Variants in ANK2 observed in about 807,000 individuals in gnomAD.
The protein encoded by ANK2 is ankyrin-2.
Under a neutral mutation model 360.5 loss-of-function variants are expected in ANK2, and 83 were observed. The ratio of observed to expected loss-of-function variants is 0.23; its 90% CI spans 0.19 to 0.28. The LOEUF is 0.28. ANK2 is among the 10% of genes least tolerant of loss of function. The pLI is 1.00. For synonymous variants in ANK2, 1,740 were observed against 1,759.5 expected, an observed-to-expected ratio of 0.99 and a Z score of 0.28; for missense variants, 4,201 against 4,795.7, an observed-to-expected ratio of 0.88 and a Z score of 3.66.
intron 22 of ANK2, 53 bp from the exon 23 acceptor site, chr4:113,302,714 C>G: frequency 6.9e-7 from 1 of 1,445,802 alleles, no homozygotes; most frequent in South Asian, 1.1e-5. Context: ...TGCTTTTCAT[C>G]TTTTGTTTAC....
intron 2 of ANK2, among the ~76,000 whole-genome samples, chr4:112,908,839 C>T (rs1230445793): frequency 6.6e-6 from 1 of 152,294 alleles, no homozygotes; most frequent in Middle Eastern, 3.4e-3. Flanking sequence ...GCCAGTGTCC[C>T]TGCCATCTTC....
intron 1 of ANK2, among the ~76,000 whole-genome samples, chr4:112,862,427 C>G (rs916820965): frequency 6.6e-6 from 1 of 152,138 alleles, no homozygotes; most frequent in Non-Finnish European, 1.5e-5. Context: ...GGCTGGACTT[C>G]ATTATTTCTA....
upstream of ANK2, among the ~76,000 whole-genome samples, chr4:113,048,331 A>C (rs1191239408): frequency 8.8e-6 from 1 of 113,288 alleles, no homozygotes; most frequent in African/African-American, 3.5e-5. Flanking sequence ...TTGCTCTGTC[A>C]CCGAGGCTGG....
chr4:113,162,933 A>G (rs1290283627), intron 1 of ANK2, among the ~76,000 whole-genome samples: 4 of 152,182 alleles, frequency 2.6e-5, no homozygotes, highest in South Asian at 2.1e-4. Flanking sequence ...ACTATTTATC[A>G]TAAAATAACC....
chr4:113,089,548 C>G (rs948273643), intron 1 of ANK2, among the ~76,000 whole-genome samples: 4 of 152,160 alleles, frequency 2.6e-5, no homozygotes, highest in Non-Finnish European at 5.9e-5. Flanking sequence ...AGATGAAGGC[C>G]AGGCATGGTG....
the ANK2 span, among the ~76,000 whole-genome samples, chr4:112,744,270 CTT>C: frequency 6.6e-6 from 1 of 151,838 alleles, no homozygotes; most frequent in African/African-American, 2.4e-5. Flanking sequence ...GAATATTAGA[CTT>C]TATGAATAAT....
chr4:113,028,344 C>T (rs2059693574), intron 2 of ANK2, among the ~76,000 whole-genome samples: 2 of 152,028 alleles, frequency 1.3e-5, no homozygotes, highest in Admixed American at 1.3e-4. Flanking sequence ...GTCCAGAGGT[C>T]AGTCAGAACA....
At chr4:112,926,518 A>G (rs1313715265) in intron 2 of ANK2, among the ~76,000 whole-genome samples, 1 of 152,228 alleles carries the variant, frequency 6.6e-6, no homozygotes, top group African/African-American at 2.4e-5. Flanking sequence ...AGAAGAAATC[A>G]CTGGGTGTCT....
intron 4 of ANK2, among the ~76,000 whole-genome samples, chr4:113,222,956 T>C (rs925905844): frequency 6.6e-6 from 1 of 152,322 alleles, no homozygotes; most frequent in Admixed American, 6.5e-5. Flanking sequence ...TAAACAAGTA[T>C]ATAATCATAT....
rs184783203 is a variant in ANK2, at chr4:112,925,994, A to G, written c.21+21480A>G. Among the ~76,000 whole-genome samples the G allele has an allele frequency of 2.3e-3, 349 of 152,322 alleles. 2 individuals are homozygous for G. The highest frequency in any genetic ancestry group is 3.7e-3 in the Non-Finnish European group (255 of 68,006). ...CAGAAATAACTTGCTTGAATCTTTTATTTTTTAGCCAACAGTGTGTCCCAT... is the reference window on the plus strand; with the variant it reads ...CAGAAATAACTTGCTTGAATCTTTTGTTTTTTAGCCAACAGTGTGTCCCAT... On this transcript the variant is annotated intron_variant, in intron 2 of 30. Transcript: ENST00000503271.
At chr4:112,744,412 C>T in the ANK2 span, among the ~76,000 whole-genome samples, 2 of 149,644 alleles carry the variant, frequency 1.3e-5, no homozygotes, top group African/African-American at 4.9e-5. Flanking sequence ...AGTGGCACGA[C>T]CTCGGCTCAC....
At chr4:112,823,944 G>A (rs1207849510) in intron 1 of ANK2, among the ~76,000 whole-genome samples, 2 of 152,250 alleles carry the variant, frequency 1.3e-5, no homozygotes, top group African/African-American at 4.8e-5. Flanking sequence ...TGGGGTCCAT[G>A]GAAGTTATAG....
chr4:112,737,864 A>G, the ANK2 span, among the ~76,000 whole-genome samples: 1 of 152,202 alleles, frequency 6.6e-6, no homozygotes, highest in African/African-American at 2.4e-5. Flanking sequence ...GAACTGGCAC[A>G]GGACAACTTT....
intron 1 of ANK2, chr4:113,116,958 C>T: frequency 4.0e-6 from 1 of 249,116 alleles, no homozygotes; most frequent in Admixed American, 4.8e-5. Flanking sequence ...AGCCACCCAA[C>T]TGCTGAAGAG....
chr4:113,296,873 A>G (rs1057171236), intron 22 of ANK2, among the ~76,000 whole-genome samples: 9 of 152,194 alleles, frequency 5.9e-5, no homozygotes, highest in African/African-American at 1.9e-4. Flanking sequence ...AATTATTTCT[A>G]TTATTTGTAT....
intron 26 of ANK2, among the ~76,000 whole-genome samples, chr4:113,329,599 C>G (rs571669287): frequency 6.6e-6 from 1 of 152,276 alleles, no homozygotes; most frequent in Non-Finnish European, 1.5e-5. Context: ...TGTTCCCTAT[C>G]CACCTGCTGT....
chr4:113,083,487 A>G (rs2083264067), intron 1 of ANK2, among the ~76,000 whole-genome samples: 2 of 152,170 alleles, frequency 1.3e-5, no homozygotes, highest in South Asian at 4.1e-4. Context: ...GTAATCTCTT[A>G]ATTCCTCTTG....
intron 39 of ANK2, among the ~76,000 whole-genome samples, chr4:113,362,625 T>C (rs767694989): frequency 8.0e-4 from 122 of 152,232 alleles, no homozygotes; most frequent in Middle Eastern, 3.4e-3. Context: ...TTTAAAATTA[T>C]TTTTTGTAGA....
intron 13 of ANK2, among the ~76,000 whole-genome samples, chr4:113,258,762 C>T (rs991120216): frequency 6.6e-6 from 1 of 152,168 alleles, no homozygotes; most frequent in African/African-American, 2.4e-5. Flanking sequence ...ATCTTTAGGG[C>T]TCAACCTAGT....
Sources: allele counts gnomAD v4.1 joint callset (sites outside exome capture counted in the v4.1 genomes callset), GRCh38; gene constraint gnomAD v4.1.1; transcripts MANE v1.5; gene names NCBI Gene and HGNC (gene_info 2026-07-23, HGNC 2026-07-21).